COMT: variants seen among roughly 807,000 people sequenced by gnomAD.
The protein encoded by COMT is catechol O-methyltransferase.
Under a neutral mutation model 18.9 loss-of-function variants are expected in COMT, and 13 were observed. The ratio of observed to expected loss-of-function variants is 0.69; its 90% CI spans 0.45 to 1.09. The LOEUF (loss-of-function observed/expected upper bound fraction) is 1.09, where lower values mean the gene tolerates loss of function less well. Ranked by LOEUF, COMT falls within the 50% of genes least tolerant of loss-of-function variation. The probability of loss-of-function intolerance (pLI) is 0.00; values close to 1 mark genes in which losing one functional copy is unlikely to be tolerated. For missense variants in COMT, 329 were observed against 361.8 expected (o/e 0.91, Z 0.73); for synonymous variants, 150 against 160.9 (o/e 0.93, Z 0.51).
chr22:19,968,562 A>G lies in COMT; in HGVS notation c.642A>G (p.Thr214=). 1 of 1,613,244 alleles carries G rather than the reference A, an allele frequency of 6.2e-7. No individual in the cohort carries two copies. The highest frequency in any genetic ancestry group is 1.6e-4 in the Middle Eastern group (1 of 6,062). ...AATGTGGCCTGCTGCGGAAGGGGACAGTGCTACTGGCTGACAACGTGATCT... is the reference window on the plus strand; with the variant it reads ...AATGTGGCCTGCTGCGGAAGGGGACGGTGCTACTGGCTGACAACGTGATCT... ...LEECGLLRKG[T]VLLADNVICP... The change falls in exon 6 of 6, where the codon ACA becomes ACG. Residue 214 remains threonine, a synonymous_variant. Transcript: ENST00000361682.
At chr22:19,962,934 T>A in intron 3 of COMT, 119 bp downstream of exon 3, 1 of 1,319,666 alleles carries the variant, frequency 7.6e-7, no homozygotes, top group Non-Finnish European at 1.0e-6. Flanking sequence ...CCCTGGGATA[T>A]GCCCAGATAG....
At chr22:19,962,262 C>G in intron 2 of COMT, 1 of 566,130 alleles carries the variant, frequency 1.8e-6, no homozygotes, top group South Asian at 2.1e-5. Flanking sequence ...GGGAAGCACC[C>G]AGGGCCAGGG....
At chr22:19,947,112 C>T (rs1482357084) in intron 1 of COMT, among the ~76,000 whole-genome samples, 4 of 151,822 alleles carry the variant, frequency 2.6e-5, no homozygotes, top group South Asian at 4.2e-4. Context: ...GATGGGGTTT[C>T]GCCACACTGG....
intron 1 of COMT, among the ~76,000 whole-genome samples, chr22:19,948,636 A>G (rs1266786278): frequency 6.6e-6 from 1 of 152,102 alleles, no homozygotes; most frequent in Non-Finnish European, 1.5e-5. Flanking sequence ...CTCCAGCCTC[A>G]GTAACAGAGT....
intron 1 of COMT, among the ~76,000 whole-genome samples, chr22:19,944,363 A>G (rs1355595667): frequency 2.0e-5 from 3 of 152,096 alleles, no homozygotes; most frequent in Admixed American, 6.5e-5. Context: ...CCTGGCTAAC[A>G]TGGCAAAACC....
rs1280769930 is a variant in COMT, at chr22:19,964,501, G to T, written c.615+202G>T. 13 of 792,514 alleles carry T rather than the reference G, an allele frequency of 1.6e-5. No homozygotes were observed. In the East Asian group the frequency reaches 2.1e-4, roughly 13 times the overall value. 49.1% of individuals were successfully genotyped at this position (792,514 alleles called of 1,614,324 possible). A position where few individuals can be genotyped will look rare whatever the true frequency, so the allele number is the denominator to read the frequency against. ...GAGATGGGTGGGGAGCTGGGCCAGG[G>T]GCCTGGCTGGGTGGCCTGTTGGGAA... On this transcript the variant is annotated intron_variant, in intron 5 of 5. Coordinates refer to ENST00000361682, the MANE Select transcript of COMT (RefSeq NM_000754.4).
In COMT at chr22:19,969,704, G is replaced by A. The variant is rs1373157897; in HGVS notation, c.*968G>A. On this transcript the variant is annotated 3_prime_UTR_variant, in exon 6 of 6. Transcript: ENST00000361682. ...AGCCCCCAGCCAGCCCACTCCTATG[G>A]ATAGACAGACCAGTGAGCCCAAGTG... 4.6e-6 allele frequency: 2 copies of A among 434,520 alleles called. No individual in the cohort carries two copies. Among genetic ancestry groups the A allele is most frequent in the East Asian group, 3.2e-4 (2 of 6,302 alleles). 26.9% of individuals were successfully genotyped at this position (434,520 alleles called of 1,614,324 possible).
chr22:19,963,320 A>G (rs1402231698), intron 3 of COMT: 1 of 600,012 alleles, frequency 1.7e-6, no homozygotes, highest in Non-Finnish European at 3.0e-6. Context: ...CAGCGTGAGC[A>G]TAGAGGCTAA....
At chr22:19,962,464 G>A in intron 2 of COMT, 63 bp from the exon 3 acceptor site, 1 of 1,548,292 alleles carries the variant, frequency 6.5e-7, no homozygotes, top group Non-Finnish European at 8.7e-7. Context: ...TCCAAGCAAA[G>A]GGGCGTGTGG....
chr22:19,947,179 G>A (rs1349786388), intron 1 of COMT, among the ~76,000 whole-genome samples: 2 of 152,080 alleles, frequency 1.3e-5, no homozygotes, highest in Non-Finnish European at 2.9e-5. Context: ...GCCTTCCAAA[G>A]TGTTGGGATT....
At chr22:19,968,464 C>A (rs1942546803) in intron 5 of COMT, 72 bp from the exon 6 acceptor site, 3 of 1,464,042 alleles carry the variant, frequency 2.0e-6, no homozygotes, top group East Asian at 2.4e-5. Context: ...TGAGGAGCAC[C>A]CATCCTGGTT....
At chr22:19,962,274 G>T (rs966468116) in intron 2 of COMT, 3 of 590,292 alleles carry the variant, frequency 5.1e-6, no homozygotes, top group Non-Finnish European at 9.0e-6. Context: ...GGGCCAGGGA[G>T]TGTGACCCTG....
At position 19,968,787 on chromosome 22, in the gene COMT, G is replaced by A; in HGVS notation, c.*51G>A. On this transcript the variant is annotated 3_prime_UTR_variant, in exon 6 of 6. Transcript: ENST00000361682. Reference sequence around the variant, plus strand: ...CTCTCTCACCCAGCCTGGTACTGAAGGTGCCAGACGTGCTCCTGCTGACCT... The same window carrying A: ...CTCTCTCACCCAGCCTGGTACTGAAAGTGCCAGACGTGCTCCTGCTGACCT... The A allele has an allele frequency of 1.9e-6, 3 of 1,544,200 alleles. No individual in the cohort carries two copies. Among genetic ancestry groups the A allele is most frequent in the Admixed American group, 1.7e-5 (1 of 57,506 alleles).
At chr22:19,944,690 C>T (rs34798238) in intron 1 of COMT, among the ~76,000 whole-genome samples, 21,504 of 151,584 alleles carry the variant, frequency 0.14, 1,877 homozygotes, top group Non-Finnish European at 0.19. Context: ...GGCGTGGTGG[C>T]GGGCACCTGT....
chr22:19,963,687 C>T lies in COMT; in HGVS notation c.411C>T (p.Ile137=). 5 of 1,612,884 alleles carry T rather than the reference C, an allele frequency of 3.1e-6. No individual in the cohort carries two copies. Among genetic ancestry groups the T allele is most frequent in the African/African-American group, 1.3e-5 (1 of 75,010 alleles). The part of the protein sequence containing the change: ...ARLLSPGARL[I]TIEINPDCAA... ...TGCTGTCACCAGGGGCGAGGCTCAT[C>T]ACCATCGAGATCAACCCCGACTGTG... Residue 137 remains isoleucine (I), a synonymous_variant, in exon 4 of 6, where the codon ATC becomes ATT. Transcript: ENST00000361682.
intron 5 of COMT, chr22:19,966,840 C>T: frequency 1.4e-6 from 1 of 709,496 alleles, no homozygotes; most frequent in Non-Finnish European, 1.7e-6. Flanking sequence ...TGTGAGGCTC[C>T]AACTCTTGAA....
chr22:19,948,979 A>T (rs905153427), intron 1 of COMT, among the ~76,000 whole-genome samples: 1 of 150,810 alleles, frequency 6.6e-6, no homozygotes, highest in Non-Finnish European at 1.5e-5. Context: ...AAAAAAAAAA[A>T]TTTAAAGAAA....
In COMT at chr22:19,941,808, G is replaced by A; in HGVS notation, c.-181G>A. ...CGCCACCGCCATTGCCGCCATCGTC[G>A]TGGGGCTTCTGGGGCAGCTAGGGCT... On this transcript the variant is annotated 5_prime_UTR_variant, in exon 1 of 6. The change creates a new upstream start codon in the 5' untranslated region. Coordinates refer to ENST00000361682, the MANE Select transcript of COMT (RefSeq NM_000754.4). 1 of 1,532,898 alleles carries A rather than the reference G, an allele frequency of 6.5e-7. No individual in the cohort carries two copies. The highest frequency in any genetic ancestry group is 8.7e-7 in the Non-Finnish European group (1 of 1,150,768). The allele number at this position is 1,532,898 out of a possible 1,614,324, so 95.0% of individuals were successfully genotyped here.
intron 5 of COMT, among the ~76,000 whole-genome samples, chr22:19,966,310 G>A (rs939813221): frequency 6.6e-6 from 1 of 151,930 alleles, no homozygotes; most frequent in African/African-American, 2.4e-5. Flanking sequence ...GGAGGCACGA[G>A]GGGTGAGGGG....
Sources: allele counts gnomAD v4.1 joint callset (sites outside exome capture counted in the v4.1 genomes callset), GRCh38; gene constraint gnomAD v4.1.1; transcripts MANE v1.5; gene names NCBI Gene and HGNC (gene_info 2026-07-23, HGNC 2026-07-21).